Variants in EFNA5 observed in about 807,000 individuals in gnomAD.
The protein encoded by EFNA5 is ephrin-A5.
In EFNA5, 5 loss-of-function variants were observed where a neutral mutation model predicts 22.9. The observed-to-expected ratio is 0.22, with a 90% CI of 0.11 to 0.46. EFNA5 has a LOEUF of 0.46. Among genes scored for constraint, EFNA5 ranks in the 20% least tolerant of loss-of-function variants. The pLI is 0.99. For synonymous variants in EFNA5, 113 were observed against 112.2 expected, an observed-to-expected ratio of 1.01 and a Z score of -0.04; for missense variants, 237 against 293.3, an observed-to-expected ratio of 0.81 and a Z score of 1.40.
At chr5:107,497,395 A>T (rs1049659126) in intron 1 of EFNA5, among the ~76,000 whole-genome samples, 2 of 152,240 alleles carry the variant, frequency 1.3e-5, no homozygotes, top group Middle Eastern at 3.2e-3. Flanking sequence ...GGAGCCTTAT[A>T]TGGAGAAATA....
intron 1 of EFNA5, among the ~76,000 whole-genome samples, chr5:107,491,529 C>T (rs1359291900): frequency 6.6e-6 from 1 of 152,046 alleles, no homozygotes; most frequent in African/African-American, 2.4e-5. Flanking sequence ...CAAGCTGGTC[C>T]GGAACTCCTA....
chr5:107,465,490 G>C (rs1402051271), intron 1 of EFNA5, among the ~76,000 whole-genome samples: 1 of 152,160 alleles, frequency 6.6e-6, no homozygotes, highest in Non-Finnish European at 1.5e-5. Flanking sequence ...CCACGTAAAT[G>C]TGGCTTTGCC....
chr5:107,440,837 A>T (rs1749237035), intron 1 of EFNA5, among the ~76,000 whole-genome samples: 1 of 152,180 alleles, frequency 6.6e-6, no homozygotes, highest in Non-Finnish European at 1.5e-5. Flanking sequence ...CTAAGCACAG[A>T]ATCTGTATGC....
rs199566187 is a variant in EFNA5, at chr5:107,381,368, C to T, written c.574G>A (p.Val192Ile). ...ENSLEPADDT[V>I]HESAEPSRGE... ...CGGGATGGCTCGGCTGACTCATGTACGGTGTCATCTGTTCAAATAGAAAGC... is the reference window on the plus strand; with the variant it reads ...CGGGATGGCTCGGCTGACTCATGTATGGTGTCATCTGTTCAAATAGAAAGC... The change falls in exon 5 of 5, where the codon GTA (valine) becomes ATA (isoleucine). Residue 192 changes from valine to isoleucine, a missense_variant. By Grantham distance (29) the Val-to-Ile change is conservative (BLOSUM62 3). Around this residue, in one of 3 missense-constraint regions of EFNA5, gnomAD observed 104 missense variants for 114.5 expected, o/e 0.91. Transcript: ENST00000333274. 2.0e-5 allele frequency: 32 copies of T among 1,612,106 alleles called. No homozygotes were observed. Among genetic ancestry groups the T allele is most frequent in the Non-Finnish European group, 2.5e-5 (29 of 1,178,532 alleles).
At chr5:107,435,633 C>T (rs1440930390) in intron 1 of EFNA5, among the ~76,000 whole-genome samples, 1 of 152,088 alleles carries the variant, frequency 6.6e-6, no homozygotes, top group Non-Finnish European at 1.5e-5. Context: ...TCCAGCTCTT[C>T]CAGGCTTTAG....
intron 1 of EFNA5, among the ~76,000 whole-genome samples, chr5:107,539,987 C>A (rs1007198228): frequency 6.6e-6 from 1 of 152,144 alleles, no homozygotes; most frequent in African/African-American, 2.4e-5. Flanking sequence ...CCATAAGGTG[C>A]AACATCTGCC....
chr5:107,628,048 T>G (rs181743092), intron 1 of EFNA5, among the ~76,000 whole-genome samples: 1 of 152,214 alleles, frequency 6.6e-6, no homozygotes, highest in South Asian at 2.1e-4. Flanking sequence ...CTGCATGCCA[T>G]GTACAGTACT....
chr5:107,532,579 C>T (rs1747837113), intron 1 of EFNA5, among the ~76,000 whole-genome samples: 1 of 152,164 alleles, frequency 6.6e-6, no homozygotes, highest in Admixed American at 6.5e-5. Context: ...CATGGAATTT[C>T]TAAGAAGTAC....
At chr5:107,405,331 A>G (rs527990838) in intron 2 of EFNA5, among the ~76,000 whole-genome samples, 9 of 152,150 alleles carry the variant, frequency 5.9e-5, no homozygotes, top group Non-Finnish European at 1.2e-4. Flanking sequence ...CTGTTATCCA[A>G]ACCCAACTGA....
intron 2 of EFNA5, among the ~76,000 whole-genome samples, chr5:107,420,771 CATT>C (rs1748636029): frequency 6.6e-6 from 1 of 152,076 alleles, no homozygotes; most frequent in Non-Finnish European, 1.5e-5. Flanking sequence ...TTTATTATGG[CATT>C]TATCCATGCA....
At chr5:107,543,253 G>A (rs142121366) in intron 1 of EFNA5, among the ~76,000 whole-genome samples, 204 of 152,080 alleles carry the variant, frequency 1.3e-3, no homozygotes, top group Non-Finnish European at 2.5e-3. Context: ...AAGTAGAAGG[G>A]AAAAAAAGCT....
chr5:107,448,353 C>T (rs1749452631), intron 1 of EFNA5, among the ~76,000 whole-genome samples: 1 of 152,124 alleles, frequency 6.6e-6, no homozygotes, highest in African/African-American at 2.4e-5. Context: ...TTTGTAGAGG[C>T]CCTATTGAAT....
At chr5:107,585,811 G>C (rs1166060420) in intron 1 of EFNA5, among the ~76,000 whole-genome samples, 1 of 152,188 alleles carries the variant, frequency 6.6e-6, no homozygotes, top group African/African-American at 2.4e-5. Context: ...CAGAACTGTG[G>C]TTAGAAGTTA....
intron 1 of EFNA5, among the ~76,000 whole-genome samples, chr5:107,500,712 T>C (rs1232048392): frequency 6.6e-6 from 1 of 152,184 alleles, no homozygotes. Context: ...TAGCCTGCTC[T>C]ACCCTGACTG....
At chr5:107,630,082 C>A (rs763753539) in intron 1 of EFNA5, among the ~76,000 whole-genome samples, 2 of 151,282 alleles carry the variant, frequency 1.3e-5, no homozygotes, top group Non-Finnish European at 2.9e-5. Flanking sequence ...AAAAAAATTA[C>A]GAGATTGTTT....
At chr5:107,465,054 T>C (rs1379320836) in intron 1 of EFNA5, among the ~76,000 whole-genome samples, 2 of 135,284 alleles carry the variant, frequency 1.5e-5, no homozygotes, top group African/African-American at 6.2e-5. Flanking sequence ...CTTTCCATTC[T>C]GTGTGAGGCT....
At chr5:107,554,274 C>T (rs909064837) in intron 1 of EFNA5, among the ~76,000 whole-genome samples, 1 of 152,094 alleles carries the variant, frequency 6.6e-6, no homozygotes, top group African/African-American at 2.4e-5. Context: ...AAATTAATTA[C>T]ACTAGAATAT....
At chr5:107,530,045 C>T (rs1475199632) in intron 1 of EFNA5, among the ~76,000 whole-genome samples, 1 of 152,074 alleles carries the variant, frequency 6.6e-6, no homozygotes, top group Non-Finnish European at 1.5e-5. Flanking sequence ...GATATCTTAC[C>T]CATGCTCTAG....
intron 2 of EFNA5, among the ~76,000 whole-genome samples, chr5:107,393,101 T>C (rs766172455): frequency 1.6e-4 from 24 of 152,240 alleles, no homozygotes; most frequent in Non-Finnish European, 1.0e-4. Context: ...AATGAGTTGA[T>C]ACAAAATGTG....
Sources: allele counts gnomAD v4.1 joint callset (sites outside exome capture counted in the v4.1 genomes callset), GRCh38; gene constraint gnomAD v4.1.1; regional missense constraint gnomAD v4.1.1; transcripts MANE v1.5; gene names NCBI Gene and HGNC (gene_info 2026-07-23, HGNC 2026-07-21).